The following CNTNAP2 variants were observed in gnomAD, a reference collection of about 807,000 sequenced individuals.
CNTNAP2 encodes the protein contactin associated protein 2, also known as contactin-associated protein-like 2.
In CNTNAP2, 98 loss-of-function variants were observed where a neutral mutation model predicts 155.2. The ratio of observed to expected loss-of-function variants is 0.63; its 90% CI spans 0.54 to 0.75. The LOEUF is 0.75. Among genes scored for constraint, CNTNAP2 ranks in the 30% least tolerant of loss-of-function variants. The pLI, the probability that CNTNAP2 is intolerant of heterozygous loss-of-function variation, is 0.00. For synonymous variants in CNTNAP2, 651 were observed against 631.2 expected (o/e 1.03, Z -0.47); for missense variants, 1,727 against 1,688.1 (o/e 1.02, Z -0.40).
At position 147,072,076 on chromosome 7, in the gene CNTNAP2, A is replaced by T. The variant is rs369886784; in HGVS notation, c.550+28022A>T. ...GGTAATAGAAGCCAACGGAAATGTG[A>T]CTTCAGTAGTGATCTGAGGGAGAAC... On this transcript the variant is annotated intron_variant, in intron 4 of 23. Coordinates refer to ENST00000361727, the MANE Select transcript of CNTNAP2 (RefSeq NM_014141.6). Among the ~76,000 whole-genome samples the T allele has an allele frequency of 8.5e-5, 13 of 152,224 alleles. No individual in the cohort carries two copies. In the East Asian group the frequency reaches 2.5e-3, roughly 30 times the overall value.
At chr7:146,582,480 C>A (rs1408786377) in intron 1 of CNTNAP2, among the ~76,000 whole-genome samples, 1 of 151,978 alleles carries the variant, frequency 6.6e-6, no homozygotes, top group African/African-American at 2.4e-5. Flanking sequence ...AAGGGACGTG[C>A]CATAGATATT....
At chr7:146,840,233 G>A (rs1803694667) in intron 3 of CNTNAP2, among the ~76,000 whole-genome samples, 1 of 152,144 alleles carries the variant, frequency 6.6e-6, no homozygotes, top group African/African-American at 2.4e-5. Flanking sequence ...TCTGAAGACA[G>A]CGATCTTCAA....
chr7:146,243,186 C>T (rs1015171810), intron 1 of CNTNAP2, among the ~76,000 whole-genome samples: 5 of 151,952 alleles, frequency 3.3e-5, no homozygotes, highest in African/African-American at 1.2e-4. Flanking sequence ...TGCAACGTGG[C>T]GATCAAAATT....
chr7:147,008,545 A>G (rs1012670243), intron 3 of CNTNAP2, among the ~76,000 whole-genome samples: 12 of 152,006 alleles, frequency 7.9e-5, no homozygotes, highest in Non-Finnish European at 1.2e-4. Flanking sequence ...TAACAAAAGA[A>G]AACAAACAAA....
chr7:146,308,315 A>T (rs1267705464), intron 1 of CNTNAP2, among the ~76,000 whole-genome samples: 2 of 152,228 alleles, frequency 1.3e-5, no homozygotes, highest in Non-Finnish European at 2.9e-5. Context: ...AATCATTAAA[A>T]AGTCAGGAAA....
At chr7:147,434,928 T>C (rs1040721687) in intron 10 of CNTNAP2, among the ~76,000 whole-genome samples, 2 of 152,224 alleles carry the variant, frequency 1.3e-5, no homozygotes, top group Admixed American at 1.3e-4. Context: ...TCATCTTTTG[T>C]CTTTCCTGTG....
intron 2 of CNTNAP2, among the ~76,000 whole-genome samples, chr7:146,791,347 G>A (rs13242680): frequency 0.056 from 8,488 of 152,228 alleles, 324 homozygotes; most frequent in Non-Finnish European, 0.076. Context: ...TCAGTGATGG[G>A]CATTTGGGTT....
At chr7:147,307,225 T>C (rs1584860904) in intron 9 of CNTNAP2, among the ~76,000 whole-genome samples, 2 of 152,172 alleles carry the variant, frequency 1.3e-5, no homozygotes, top group African/African-American at 4.8e-5. Context: ...CAGTAAGAAA[T>C]GTCCTCACAT....
intron 13 of CNTNAP2, among the ~76,000 whole-genome samples, chr7:147,730,893 A>G (rs532487234): frequency 4.5e-4 from 68 of 152,252 alleles, no homozygotes; most frequent in African/African-American, 1.4e-3. Flanking sequence ...AAACAGCTTT[A>G]TTGCTGATAT....
Position 146,503,489 on chromosome 7 carries a change from C to T in CNTNAP2, c.98-270782C>T, listed in dbSNP as rs549571917. The stretch of plus-strand genomic sequence containing the variant: ...GTGGCCTAGCCAAAAGATTGTATAC[C>T]TCTGGATTAGATCAATGTCCTGAAA... On this transcript the variant is annotated intron_variant, in intron 1 of 23. Transcript: ENST00000361727. 3.3e-5 allele frequency among the ~76,000 whole-genome samples: 5 copies of T among 152,286 alleles called. No homozygotes were observed. The South Asian group carries it at 1.0e-3, about 32-fold the overall frequency.
chr7:147,309,713 C>T (rs954678419), intron 9 of CNTNAP2, among the ~76,000 whole-genome samples: 4 of 151,962 alleles, frequency 2.6e-5, no homozygotes, highest in South Asian at 4.1e-4. Flanking sequence ...ATGCAATGTT[C>T]CTCATTTTAA....
At chr7:148,148,589 CT>C (rs1805239199) in intron 17 of CNTNAP2, among the ~76,000 whole-genome samples, 1 of 152,210 alleles carries the variant, frequency 6.6e-6, no homozygotes, top group Non-Finnish European at 1.5e-5. Context: ...GACTTGGTTG[CT>C]GTTCATATTC....
intron 15 of CNTNAP2, among the ~76,000 whole-genome samples, chr7:147,997,205 A>C (rs1801818335): frequency 6.6e-6 from 1 of 152,220 alleles, no homozygotes; most frequent in East Asian, 1.9e-4. Flanking sequence ...ACACTAAGAC[A>C]AGCACCTTGT....
intron 3 of CNTNAP2, among the ~76,000 whole-genome samples, chr7:146,927,610 C>T (rs1201161232): frequency 1.3e-5 from 2 of 148,280 alleles, no homozygotes; most frequent in African/African-American, 5.3e-5. Context: ...GGAATAATAG[C>T]ATGCATGCAC....
intron 13 of CNTNAP2, among the ~76,000 whole-genome samples, chr7:147,809,568 G>A (rs1033068021): frequency 2.6e-5 from 4 of 152,170 alleles, no homozygotes; most frequent in Non-Finnish European, 4.4e-5. Flanking sequence ...ATCTCCACCA[G>A]GATGTAAAAT....
intron 1 of CNTNAP2, among the ~76,000 whole-genome samples, chr7:146,211,071 G>A (rs888952486): frequency 6.6e-6 from 1 of 152,072 alleles, no homozygotes; most frequent in Non-Finnish European, 1.5e-5. Context: ...TTAGATAGAG[G>A]CCTTGCAAAC....
intron 14 of CNTNAP2, among the ~76,000 whole-genome samples, chr7:147,946,765 C>T (rs767426803): frequency 6.6e-6 from 1 of 152,098 alleles, no homozygotes; most frequent in Admixed American, 6.5e-5. Flanking sequence ...TACAAAGAAG[C>T]ATGTTGAATC....
At chr7:148,328,976 G>GAAAAAAAAAAAA (rs71188969) in intron 21 of CNTNAP2, among the ~76,000 whole-genome samples, 15 of 69,252 alleles carry the variant, frequency 2.2e-4, no homozygotes, top group African/African-American at 7.9e-4. Context: ...ACTCTGTCTG[G>GAAAAAAAAAAAA]AAAAAAAAAA....
At position 147,226,253 on chromosome 7, in the gene CNTNAP2, T is replaced by C. The variant is rs190361702; in HGVS notation, c.1349-73888T>C. Among the ~76,000 whole-genome samples, 3 of 152,282 alleles carry C rather than the reference T, an allele frequency of 2.0e-5. No individual in the cohort carries two copies. In the East Asian group the frequency reaches 5.8e-4, roughly 29 times the overall value. On this transcript the variant is annotated intron_variant, in intron 8 of 23. Coordinates refer to ENST00000361727, the MANE Select transcript of CNTNAP2 (RefSeq NM_014141.6). ...GTCACCATAGGCCCTCAATAAAAGA[T>C]GGTTGTTGTTGCAGCTGTTGCAATA...
Sources: allele counts gnomAD v4.1 joint callset (sites outside exome capture counted in the v4.1 genomes callset), GRCh38; gene constraint gnomAD v4.1.1; transcripts MANE v1.5; gene names NCBI Gene and HGNC (gene_info 2026-07-23, HGNC 2026-07-21).